The following TJP1 variants were observed in gnomAD, a reference collection of about 807,000 sequenced individuals.
TJP1 encodes tight junction protein 1, also known as tight junction protein ZO-1.
A neutral mutation model predicts 194.2 loss-of-function variants in TJP1; 43 were observed. The observed-to-expected ratio is 0.22, with a 90% CI of 0.17 to 0.29. TJP1 has a LOEUF of 0.29. TJP1 is among the 10% of genes least tolerant of loss of function. TJP1 has a pLI of 1.00. For missense variants in TJP1, 1,971 were observed against 2,185.7 expected, an observed-to-expected ratio of 0.90 and a Z score of 1.96; for synonymous variants, 801 against 779.0, an observed-to-expected ratio of 1.03 and a Z score of -0.47.
At chr15:29,934,992 A>G (rs1321371587) in intron 2 of TJP1, among the ~76,000 whole-genome samples, 1 of 152,258 alleles carries the variant, frequency 6.6e-6, no homozygotes, top group African/African-American at 2.4e-5. Flanking sequence ...CAAGGCCATC[A>G]GAGGGAAACT....
At chr15:29,733,341 T>C (rs1358070290) in intron 12 of TJP1, 28 bp from the exon 13 acceptor site, 4 of 1,471,856 alleles carry the variant, frequency 2.7e-6, no homozygotes, top group South Asian at 2.3e-5. Context: ...AAACACATTA[T>C]CAATATTTAG....
chr15:29,824,990 C>A (rs2050634296), upstream of TJP1, among the ~76,000 whole-genome samples: 1 of 152,106 alleles, frequency 6.6e-6, no homozygotes, highest in African/African-American at 2.4e-5. Context: ...CTAATAGTAT[C>A]ACTTTAAAAT....
At chr15:29,740,480 A>C (rs1007597758) in intron 10 of TJP1, among the ~76,000 whole-genome samples, 7 of 151,908 alleles carry the variant, frequency 4.6e-5, no homozygotes, top group Non-Finnish European at 7.4e-5. Flanking sequence ...AAAATACAAA[A>C]ATTAGCTAGG....
chr15:29,748,974 G>A (rs897981516), intron 8 of TJP1, among the ~76,000 whole-genome samples: 18 of 147,708 alleles, frequency 1.2e-4, no homozygotes, highest in Non-Finnish European at 2.4e-4. Flanking sequence ...GCGCGCGCGC[G>A]TTTGCTATTA....
chr15:29,958,555 G>A (rs930955608), intron 1 of TJP1, among the ~76,000 whole-genome samples: 1 of 151,848 alleles, frequency 6.6e-6, no homozygotes, highest in Non-Finnish European at 1.5e-5. Context: ...TTTCCATTCA[G>A]TAGTTTGAAA....
At chr15:29,722,308 C>G (rs1290135501) in intron 18 of TJP1, among the ~76,000 whole-genome samples, 1 of 152,230 alleles carries the variant, frequency 6.6e-6, no homozygotes, top group Non-Finnish European at 1.5e-5. Context: ...CCCGGCCCTG[C>G]TGCTCTGTGC....
intron 15 of TJP1, 53 bp from the exon 16 acceptor site, chr15:29,728,072 A>C (rs1208971980): frequency 1.3e-6 from 2 of 1,500,172 alleles, no homozygotes; most frequent in Non-Finnish European, 1.9e-6. Context: ...CTGGTTAGAC[A>C]GGAGTTTCTC....
intron 2 of TJP1, among the ~76,000 whole-genome samples, chr15:29,797,022 A>G (rs1056633984): frequency 3.3e-5 from 5 of 152,268 alleles, no homozygotes; most frequent in African/African-American, 1.2e-4. Flanking sequence ...TAACTGAAAT[A>G]AAACTTTTAA....
chr15:29,767,276 T>G (rs1023162493), intron 4 of TJP1, among the ~76,000 whole-genome samples: 2 of 152,236 alleles, frequency 1.3e-5, no homozygotes, highest in Non-Finnish European at 2.9e-5. Flanking sequence ...CTGTAATCTG[T>G]GGACTACACT....
intron 9 of TJP1, 48 bp from the exon 10 acceptor site, chr15:29,741,484 T>G: frequency 7.7e-7 from 1 of 1,296,566 alleles, no homozygotes. Flanking sequence ...AAACATGGAA[T>G]AATAATGCAA....
chr15:29,823,821 C>G (rs1295304690), upstream of TJP1: 1 of 152,182 alleles, frequency 6.6e-6, no homozygotes, highest in African/African-American at 2.4e-5. Context: ...GGCGTGGTGG[C>G]TCACGCCTGT....
intron 1 of TJP1, among the ~76,000 whole-genome samples, chr15:29,967,454 C>G (rs1036635949): frequency 3.9e-5 from 6 of 152,040 alleles, no homozygotes; most frequent in Admixed American, 3.9e-4. Context: ...GTGGTAGACA[C>G]CTTTGTATTC....
intron 2 of TJP1, among the ~76,000 whole-genome samples, chr15:29,930,335 G>A (rs1254020574): frequency 6.6e-6 from 1 of 152,132 alleles, no homozygotes; most frequent in Non-Finnish European, 1.5e-5. Context: ...TAAATAAAAT[G>A]TTAGAAAATA....
At chr15:29,818,010 T>TAA (rs879780459) in intron 1 of TJP1, among the ~76,000 whole-genome samples, 1 of 141,076 alleles carries the variant, frequency 7.1e-6, no homozygotes, top group African/African-American at 2.6e-5. Context: ...AGAACTTAAT[T>TAA]AAAAAAAAAA....
intron 2 of TJP1, among the ~76,000 whole-genome samples, chr15:29,954,720 A>C (rs1240749083): frequency 6.6e-6 from 1 of 152,226 alleles, no homozygotes; most frequent in South Asian, 2.1e-4. Context: ...CTTGAATAAA[A>C]TTATTTTAGT....
At chr15:29,843,157 T>G (rs1348145935) in intron 2 of TJP1, among the ~76,000 whole-genome samples, 2 of 151,692 alleles carry the variant, frequency 1.3e-5, no homozygotes, top group Non-Finnish European at 2.9e-5. Context: ...TCTTTGACTT[T>G]TCTTTCTGTT....
At chr15:29,938,690 T>C (rs1233233327) in intron 2 of TJP1, among the ~76,000 whole-genome samples, 4 of 152,210 alleles carry the variant, frequency 2.6e-5, no homozygotes, top group Non-Finnish European at 4.4e-5. Flanking sequence ...AAAATATCAA[T>C]TGCTTCCAGC....
At chr15:29,794,246 G>GTC (rs2048272065) in intron 2 of TJP1, among the ~76,000 whole-genome samples, 1 of 152,050 alleles carries the variant, frequency 6.6e-6, no homozygotes, top group Non-Finnish European at 1.5e-5. Flanking sequence ...TTTTGTCATA[G>GTC]TCTCTCTGTG....
rs1279604593 is a variant in TJP1 at position 29,822,009 on chromosome 15, G to A, written c.20C>T (p.Ala7Val). Reference sequence around the variant, plus strand: ...GGCCGCGGAGGCGCTCACCTTGGCGGCCGCAGCTCTGGCGGACATCTTGTC... The same window carrying A: ...GGCCGCGGAGGCGCTCACCTTGGCGACCGCAGCTCTGGCGGACATCTTGTC... MSARAA[A>V]AKSTAMEETA... Residue 7 changes from alanine (A) to valine (V), a missense_variant, in exon 1 of 28, where the codon GCC (alanine) becomes GTC (valine). By Grantham distance (64) the Ala-to-Val change is moderately conservative. Around this residue, in one of 5 missense-constraint regions of TJP1, gnomAD observed 245 missense variants for 336.6 expected, o/e 0.73. Transcript: ENST00000614355. 3 of 1,346,676 alleles carry A rather than the reference G, an allele frequency of 2.2e-6. No individual in the cohort carries two copies. The highest frequency in any genetic ancestry group is 2.9e-6 in the Non-Finnish European group (3 of 1,046,626). 83.4% of individuals were successfully genotyped at this position (1,346,676 alleles called of 1,614,324 possible). A position where few individuals can be genotyped will look rare whatever the true frequency, so the allele number is the denominator to read the frequency against.
Sources: allele counts gnomAD v4.1 joint callset (sites outside exome capture counted in the v4.1 genomes callset), GRCh38; gene constraint gnomAD v4.1.1; regional missense constraint gnomAD v4.1.1; transcripts MANE v1.5; gene names NCBI Gene and HGNC (gene_info 2026-07-23, HGNC 2026-07-21).